SUGCT: variants seen among roughly 807,000 people sequenced by gnomAD.
SUGCT encodes the protein succinyl-CoA:glutarate CoA-transferase.
A neutral mutation model predicts 55.0 loss-of-function variants in SUGCT; 41 were observed. The ratio of observed to expected loss-of-function variants is 0.74; its 90% CI spans 0.58 to 0.97. SUGCT has a LOEUF of 0.97. Among genes scored for constraint, SUGCT ranks in the 50% least tolerant of loss-of-function variants. The probability of loss-of-function intolerance (pLI) is 0.00; values close to 1 mark genes in which losing one functional copy is unlikely to be tolerated. For synonymous variants in SUGCT, 187 were observed against 200.4 expected (o/e 0.93, Z 0.56); for missense variants, 568 against 547.8 (o/e 1.04, Z -0.37).
At chr7:40,645,885 G>A (rs866643347) in intron 12 of SUGCT, among the ~76,000 whole-genome samples, 3 of 152,084 alleles carry the variant, frequency 2.0e-5, no homozygotes, top group South Asian at 2.1e-4. Context: ...CAACTTCCAC[G>A]TTTTCATCCT....
intron 12 of SUGCT, among the ~76,000 whole-genome samples, chr7:40,692,239 C>A (rs1784732263): frequency 6.6e-6 from 1 of 152,108 alleles, no homozygotes; most frequent in African/African-American, 2.4e-5. Flanking sequence ...CTGAGTGGTG[C>A]AGACAAGGTA....
chr7:40,998,105 A>G, the SUGCT span, among the ~76,000 whole-genome samples: 2 of 152,026 alleles, frequency 1.3e-5, no homozygotes, highest in African/African-American at 4.8e-5. Flanking sequence ...AGTGGCTCAC[A>G]CCTGTAATCC....
At chr7:40,931,819 C>A in the SUGCT span, among the ~76,000 whole-genome samples, 1 of 151,946 alleles carries the variant, frequency 6.6e-6, no homozygotes, top group Non-Finnish European at 1.5e-5. Flanking sequence ...CTCTTTTATT[C>A]CTTATTAGTC....
chr7:40,163,812 T>A (rs1784294070), intron 1 of SUGCT, among the ~76,000 whole-genome samples: 1 of 151,962 alleles, frequency 6.6e-6, no homozygotes, highest in African/African-American at 2.4e-5. Context: ...TTTTCTTAAT[T>A]TTTTGAATTG....
the SUGCT span, among the ~76,000 whole-genome samples, chr7:40,970,798 C>A: frequency 6.6e-6 from 1 of 151,890 alleles, no homozygotes; most frequent in Non-Finnish European, 1.5e-5. Flanking sequence ...AGAGGAGATG[C>A]AAGAAATCAA....
chr7:40,622,393 G>A (rs1393554508), intron 12 of SUGCT, among the ~76,000 whole-genome samples: 1 of 152,138 alleles, frequency 6.6e-6, no homozygotes, highest in African/African-American at 2.4e-5. Flanking sequence ...CTTTCATCAA[G>A]CTCTCACTGG....
chr7:40,294,739 G>T (rs1357796081), intron 8 of SUGCT, among the ~76,000 whole-genome samples: 2 of 152,052 alleles, frequency 1.3e-5, no homozygotes, highest in African/African-American at 2.4e-5. Flanking sequence ...TAGAGATGGG[G>T]TTTCACCATG....
chr7:40,606,217 C>G (rs1412876502), intron 12 of SUGCT, among the ~76,000 whole-genome samples: 2 of 152,078 alleles, frequency 1.3e-5, no homozygotes, highest in Non-Finnish European at 2.9e-5. Flanking sequence ...AACGGGAAAG[C>G]TTTCTAAGAG....
intron 7 of SUGCT, among the ~76,000 whole-genome samples, chr7:40,269,314 T>TTTTATTTA (rs367961179): frequency 4.0e-5 from 6 of 151,860 alleles, no homozygotes; most frequent in African/African-American, 1.5e-4. Context: ...TAATTTTTTA[T>TTTTATTTA]TTTATTTATT....
At chr7:40,334,530 A>G (rs1054571043) in intron 9 of SUGCT, among the ~76,000 whole-genome samples, 6 of 151,976 alleles carry the variant, frequency 3.9e-5, no homozygotes, top group Admixed American at 1.3e-4. Context: ...TCATGTGTCT[A>G]TTGGCTGCAT....
intron 12 of SUGCT, among the ~76,000 whole-genome samples, chr7:40,612,590 C>T (rs1798818819): frequency 6.6e-6 from 1 of 152,092 alleles, no homozygotes; most frequent in Non-Finnish European, 1.5e-5. Flanking sequence ...ATAGCATCAC[C>T]CTCCTTCCTT....
At chr7:40,631,568 T>C (rs927278819) in intron 12 of SUGCT, among the ~76,000 whole-genome samples, 2 of 152,214 alleles carry the variant, frequency 1.3e-5, no homozygotes, top group Admixed American at 1.3e-4. Flanking sequence ...TGGATAACCA[T>C]AGAGGGGAAG....
At chr7:40,338,478 C>G (rs933719822) in intron 9 of SUGCT, among the ~76,000 whole-genome samples, 9 of 152,180 alleles carry the variant, frequency 5.9e-5, no homozygotes, top group Non-Finnish European at 2.9e-5. Context: ...AACTTCTCTT[C>G]TCACTTCATT....
chr7:40,861,061 A>G (rs1794475152), downstream of SUGCT, among the ~76,000 whole-genome samples: 1 of 152,112 alleles, frequency 6.6e-6, no homozygotes, highest in Non-Finnish European at 1.5e-5. Context: ...ACTGAGCTCC[A>G]TTCTCCCCTG....
At chr7:40,945,859 G>A in the SUGCT span, among the ~76,000 whole-genome samples, 24 of 152,144 alleles carry the variant, frequency 1.6e-4, no homozygotes, top group Non-Finnish European at 3.2e-4. Flanking sequence ...GGCTGGTGAT[G>A]AGCAATATCT....
chr7:40,610,794 G>A, intron 12 of SUGCT, among the ~76,000 whole-genome samples: 2 of 152,298 alleles, frequency 1.3e-5, no homozygotes, highest in African/African-American at 4.8e-5. Context: ...AGCTTATTAT[G>A]TGTGGCTCCA....
At chr7:40,844,240 C>T (rs1346601944) in intron 13 of SUGCT, among the ~76,000 whole-genome samples, 2 of 152,130 alleles carry the variant, frequency 1.3e-5, no homozygotes, top group Non-Finnish European at 2.9e-5. Context: ...TAAGTGTAAA[C>T]CAGCTCAGTG....
At chr7:40,898,480 C>CGGG in the SUGCT span, among the ~76,000 whole-genome samples, 196 of 5,668 alleles carry the variant, frequency 0.035, 45 homozygotes, top group Non-Finnish European at 0.05. Context: ...TCCGGGAGGT[C>CGGG]GGGGGGGGGG....
chr7:40,202,496 G>A (rs1020383846), intron 6 of SUGCT, among the ~76,000 whole-genome samples: 1 of 152,058 alleles, frequency 6.6e-6, no homozygotes, highest in South Asian at 2.1e-4. Context: ...TATGTGTTTC[G>A]GAAGAGCCTA....
Sources: allele counts gnomAD v4.1 joint callset (sites outside exome capture counted in the v4.1 genomes callset), GRCh38; gene constraint gnomAD v4.1.1; transcripts MANE v1.5; gene names NCBI Gene and HGNC (gene_info 2026-07-23, HGNC 2026-07-21).